ANKRD44: variants seen among roughly 807,000 people sequenced by gnomAD.
The protein encoded by ANKRD44 is ankyrin repeat domain 44, also known as serine/threonine-protein phosphatase 6 regulatory ankyrin repeat subunit B.
In ANKRD44, 35 loss-of-function variants were observed where a neutral mutation model predicts 116.0. The observed-to-expected ratio is 0.30, with a 90% CI of 0.23 to 0.40. The LOEUF is 0.40. Ranked by LOEUF, ANKRD44 falls within the 10% of genes least tolerant of loss-of-function variation. ANKRD44 has a pLI of 1.00. For missense variants in ANKRD44, 1,014 were observed against 1,242.6 expected (o/e 0.82, Z 2.77); for synonymous variants, 435 against 461.8 (o/e 0.94, Z 0.74).
chr2:197,131,920 C>CA (rs1210344776), intron 4 of ANKRD44, among the ~76,000 whole-genome samples: 2 of 151,774 alleles, frequency 1.3e-5, no homozygotes, highest in African/African-American at 2.4e-5. Flanking sequence ...GAAAGAAAAG[C>CA]AAAAAAAGCA....
rs1419685742 is a variant in ANKRD44, at chr2:197,187,072, G to A, written c.62C>T (p.Pro21Leu). 1 of 1,614,110 alleles carries A rather than the reference G, an allele frequency of 6.2e-7. No homozygotes were observed. The highest frequency in any genetic ancestry group is 8.5e-7 in the Non-Finnish European group (1 of 1,180,000). The change falls in exon 2 of 28, where the codon CCA becomes CTA. Residue 21 changes from proline to leucine, a missense_variant. Pro to Leu is a moderately conservative substitution (Grantham distance 98). Transcript: ENST00000282272. The part of the protein sequence containing the change: ...PLVQAIFSGD[P>L]EEIRMLIHKT... ...ATGGATGAGCATCCGGATCTCCTCT[G>A]GATCACCGCTGAAGATTGCCTGAAC...
intron 16 of ANKRD44, among the ~76,000 whole-genome samples, chr2:197,032,814 G>A (rs184572247): frequency 7.7e-4 from 118 of 152,322 alleles, no homozygotes; most frequent in African/African-American, 2.7e-3. Flanking sequence ...TAGTTTAGAA[G>A]GTGGAATGAA....
At chr2:197,091,268 C>G (rs2078037354) in intron 10 of ANKRD44, among the ~76,000 whole-genome samples, 1 of 152,244 alleles carries the variant, frequency 6.6e-6, no homozygotes, top group Non-Finnish European at 1.5e-5. Flanking sequence ...AAGCAGCCAG[C>G]TGGTTCCAGC....
At chr2:197,207,669 A>G in intron 1 of ANKRD44, among the ~76,000 whole-genome samples, 1 of 152,162 alleles carries the variant, frequency 6.6e-6, no homozygotes, top group African/African-American at 2.4e-5. Context: ...TGAGATTATG[A>G]TAGACCTTTC....
intron 1 of ANKRD44, among the ~76,000 whole-genome samples, chr2:197,197,508 A>T (rs17389141): frequency 3.9e-5 from 6 of 152,080 alleles, no homozygotes; most frequent in Non-Finnish European, 8.8e-5. Flanking sequence ...TTTACTGAGC[A>T]TAAGAAATTC....
Position 197,201,320 on chromosome 2 carries a change from A to G in ANKRD44, c.28-14214T>C, listed in dbSNP as rs1311478508. ...GTGAGTTACTGAGTTTTTAACAAGG[A>G]GAGTAAGTTACTGAGTTTAAATAAA... On this transcript the variant is annotated intron_variant, in intron 1 of 27. Coordinates refer to ENST00000282272, the MANE Select transcript of ANKRD44 (RefSeq NM_001195144.2). This position sits in a 1 kb window ranked among gnomAD's most constrained non-coding sequence, Gnocchi z 4.0. Among the ~76,000 whole-genome samples, 1 of 152,234 alleles carries G rather than the reference A, an allele frequency of 6.6e-6. No individual in the cohort carries two copies. Among genetic ancestry groups the G allele is most frequent in the Non-Finnish European group, 1.5e-5 (1 of 68,040 alleles).
At chr2:196,976,438 G>C (rs2075761066) in intron 21 of ANKRD44, among the ~76,000 whole-genome samples, 2 of 152,128 alleles carry the variant, frequency 1.3e-5, no homozygotes, top group Non-Finnish European at 2.9e-5. Context: ...TTATAGTGGA[G>C]GTTCTAGCCA....
rs536134583 is a variant in ANKRD44 at position 197,076,387 on chromosome 2, G to A, written c.1650+2316C>T. 1.5e-3 allele frequency among the ~76,000 whole-genome samples: 221 copies of A among 152,288 alleles called. 1 individual carries two copies. Among genetic ancestry groups the A allele is most frequent in the African/African-American group, 5.0e-3 (208 of 41,566 alleles). On this transcript the variant is annotated intron_variant, in intron 16 of 27. Transcript: ENST00000282272. ...GCTTTCCTAACATCTAATACCCAAGGAAATTGGAGTTTTAAAGACTGTTAA... is the reference window on the plus strand; with the variant it reads ...GCTTTCCTAACATCTAATACCCAAGAAAATTGGAGTTTTAAAGACTGTTAA...
chr2:196,967,773 T>C (rs2075684498), intron 21 of ANKRD44, among the ~76,000 whole-genome samples: 1 of 152,152 alleles, frequency 6.6e-6, no homozygotes, highest in Non-Finnish European at 1.5e-5. Flanking sequence ...GAAAAACAAT[T>C]CTCACAGGTT....
intron 10 of ANKRD44, among the ~76,000 whole-genome samples, chr2:197,092,705 C>T (rs2078069936): frequency 1.3e-5 from 2 of 152,106 alleles, no homozygotes; most frequent in African/African-American, 4.8e-5. Flanking sequence ...CCTCGCTCAT[C>T]ATTTACCAAA....
chr2:197,276,747 A>G (rs1161246833), intron 1 of ANKRD44, among the ~76,000 whole-genome samples: 1 of 152,090 alleles, frequency 6.6e-6, no homozygotes, highest in Non-Finnish European at 1.5e-5. Context: ...ATGTTACAAA[A>G]TATATAAAAG....
At chr2:197,056,971 A>G (rs1249566651) in intron 16 of ANKRD44, among the ~76,000 whole-genome samples, 2 of 152,206 alleles carry the variant, frequency 1.3e-5, no homozygotes, top group East Asian at 3.8e-4. Flanking sequence ...TTGGCGGGCC[A>G]TTCTGTCCAC....
At chr2:197,145,795 G>A (rs915481820) in intron 3 of ANKRD44, among the ~76,000 whole-genome samples, 5 of 152,110 alleles carry the variant, frequency 3.3e-5, no homozygotes, top group African/African-American at 4.8e-5. Flanking sequence ...TCCTACCTCT[G>A]CAGAGCTTAC....
chr2:196,989,615 TC>T lies in ANKRD44; in HGVS notation c.2957del (p.Gly986GlufsTer12). 6.5e-7 allele frequency: 1 copy of T among 1,550,266 alleles called. No individual in the cohort carries two copies. The highest frequency in any genetic ancestry group is 8.7e-7 in the Non-Finnish European group (1 of 1,146,806). ...SRSNGPRSTP[G>X]TAVQKEE is the part of the protein sequence containing the mutation. ...CTCATTCTTCTTTTTGTACAGCGGT[TC>T]CAGGTGTGGAACGGGGTCCATTTGA... On this transcript the variant is annotated frameshift_variant, in exon 28 of 28. Transcript: ENST00000282272. LOFTEE classifies it high-confidence loss of function.
chr2:197,150,265 T>G (rs1454550710), intron 2 of ANKRD44, among the ~76,000 whole-genome samples: 1 of 152,064 alleles, frequency 6.6e-6, no homozygotes, highest in African/African-American at 2.4e-5. Flanking sequence ...AAAATGAAAG[T>G]GGGCTGGGCA....
chr2:197,207,574 T>C (rs985582960), intron 1 of ANKRD44, among the ~76,000 whole-genome samples: 1 of 152,138 alleles, frequency 6.6e-6, no homozygotes, highest in Non-Finnish European at 1.5e-5. Context: ...CTTGAAACAC[T>C]ACTCTTAACA....
At chr2:197,049,404 T>A (rs1013519046) in intron 16 of ANKRD44, among the ~76,000 whole-genome samples, 5 of 152,138 alleles carry the variant, frequency 3.3e-5, no homozygotes, top group Admixed American at 6.6e-5. Context: ...ATTTACAAGT[T>A]CCCAGGATAC....
chr2:197,212,867 C>A lies in ANKRD44; in HGVS notation c.28-25761G>T, dbSNP rs1559154510. On this transcript the variant is annotated intron_variant, in intron 1 of 27. Transcript: ENST00000282272. The surrounding 1 kb of genome is among the most constrained non-coding windows in gnomAD (Gnocchi z 4.8). The stretch of plus-strand genomic sequence containing the variant: ...AGAGAAAAAAGGAAACACGACCCCA[C>A]AGCTTCCTCTGCATCTCATTCCAGA... Among the ~76,000 whole-genome samples, 1 of 152,254 alleles carries A rather than the reference C, an allele frequency of 6.6e-6. No individual in the cohort carries two copies.
At chr2:197,196,634 G>T (rs1372592993) in intron 1 of ANKRD44, among the ~76,000 whole-genome samples, 6 of 152,144 alleles carry the variant, frequency 3.9e-5, no homozygotes, top group Non-Finnish European at 5.9e-5. Context: ...ATTTGAGGAG[G>T]CTGGAACTAC....
Sources: gnomAD v4.1 joint callset for allele counts (sites outside exome capture counted in the v4.1 genomes callset) on GRCh38, gnomAD v4.1.1 for gene constraint, Gnocchi (gnomAD v3.1) non-coding constraint, MANE v1.5 for transcripts, NCBI Gene and HGNC (gene_info 2026-07-23, HGNC 2026-07-21) for gene names.